The following SLC22A25 variants were observed in gnomAD, a reference collection of about 807,000 sequenced individuals.
SLC22A25 encodes the protein MGI:2442751, MGI:2385316, MGI:3042283, MGI:3645714, MGI:3605624, MGI:2442750.
SLC22A25 carries 44 observed loss-of-function variants against 45.9 expected under a neutral mutation model. The observed-to-expected ratio is 0.96, with a 90% CI of 0.75 to 1.23. The LOEUF is 1.23. Ranked by LOEUF, SLC22A25 falls within the 50% of genes most tolerant of loss-of-function variation. SLC22A25 has a pLI of 0.00. For synonymous variants in SLC22A25, 283 were observed against 238.6 expected, an observed-to-expected ratio of 1.19 and a Z score of -1.72; for missense variants, 800 against 666.4, an observed-to-expected ratio of 1.20 and a Z score of -2.21.
chr11:63,210,621 T>G (rs150721373), intron 7 of SLC22A25, among the ~76,000 whole-genome samples: 107 of 152,266 alleles, frequency 7.0e-4, no homozygotes, highest in African/African-American at 2.4e-3. Flanking sequence ...TTTTGAGGAC[T>G]GAGACAGACT....
chr11:63,228,403 G>C (rs7106186), intron 5 of SLC22A25, 58 bp downstream of exon 5: 1 of 1,312,888 alleles, frequency 7.6e-7, no homozygotes, highest in Non-Finnish European at 1.1e-6. Flanking sequence ...TAGATGAAAA[G>C]TGTTTCATGA....
intron 9 of SLC22A25, among the ~76,000 whole-genome samples, chr11:63,177,772 T>G (rs2088145661): frequency 7.3e-6 from 1 of 136,662 alleles, no homozygotes; most frequent in Non-Finnish European, 1.6e-5. Flanking sequence ...CCATTATATC[T>G]ATTTCTCTCT....
At chr11:63,209,889 C>T (rs1314411484) in intron 7 of SLC22A25, among the ~76,000 whole-genome samples, 1 of 152,134 alleles carries the variant, frequency 6.6e-6, no homozygotes, top group African/African-American at 2.4e-5. Flanking sequence ...AGGGGAAGCC[C>T]CAGAGGCCAC....
chr11:63,188,992 C>T (rs143076934), intron 7 of SLC22A25, among the ~76,000 whole-genome samples: 8,342 of 151,940 alleles, frequency 0.055, 258 homozygotes, highest in African/African-American at 0.084. Context: ...GGAATAAGTG[C>T]GGTGTGGTGC....
chr11:63,211,914 C>T (rs1406207334), intron 7 of SLC22A25, among the ~76,000 whole-genome samples: 4 of 152,104 alleles, frequency 2.6e-5, no homozygotes, highest in African/African-American at 9.7e-5. Flanking sequence ...TTGCAATCTA[C>T]TCATCTGACA....
chr11:63,228,478 A>T lies in SLC22A25; in HGVS notation c.489T>A (p.Tyr163Ter). The part of the protein sequence containing the change: ...MAGMMVGGNL[Y>*]GHLSDRFGRK... ...ACACTCACCTGTCTGACAAATGGCC[A>T]TATAGGTTGCCTCCCACCATCATTC... The change falls in exon 5 of 12, where the codon TAT becomes TAA. Residue 163 changes from tyrosine (Y) to a stop codon, truncating the protein, a stop_gained. Transcript: ENST00000306494. LOFTEE classifies it high-confidence loss of function. 1 of 1,613,428 alleles carries T rather than the reference A, an allele frequency of 6.2e-7. No individual in the cohort carries two copies. Among genetic ancestry groups the T allele is most frequent in the Non-Finnish European group, 8.5e-7 (1 of 1,179,456 alleles).
intron 8 of SLC22A25, among the ~76,000 whole-genome samples, chr11:63,182,783 G>A (rs2088376742): frequency 6.6e-6 from 1 of 152,020 alleles, no homozygotes; most frequent in African/African-American, 2.4e-5. Flanking sequence ...CATCAGATAT[G>A]TCATTGACCA....
chr11:63,236,200 G>T (rs1478181708), intron 3 of SLC22A25, among the ~76,000 whole-genome samples: 5 of 152,184 alleles, frequency 3.3e-5, no homozygotes, highest in Admixed American at 2.0e-4. Flanking sequence ...GTCTGCAGAG[G>T]TTACTGCTGT....
At chr11:63,175,659 A>G (rs759623060) in intron 9 of SLC22A25, among the ~76,000 whole-genome samples, 4 of 151,982 alleles carry the variant, frequency 2.6e-5, no homozygotes, top group Non-Finnish European at 5.9e-5. Flanking sequence ...CATCATATCC[A>G]TGAAATAATT....
At chr11:63,222,258 G>A (rs78168356) in intron 5 of SLC22A25, among the ~76,000 whole-genome samples, 417 of 152,122 alleles carry the variant, frequency 2.7e-3, no homozygotes, top group African/African-American at 9.7e-3. Flanking sequence ...TCCAATCCAC[G>A]GACATGAATA....
Position 63,163,651 on chromosome 11 carries a change from T to C in SLC22A25, c.*173A>G. On this transcript the variant is annotated 3_prime_UTR_variant, in exon 12 of 12. Transcript: ENST00000306494. The stretch of plus-strand genomic sequence containing the variant: ...CCACAAATTAACCTCCTGGACAGGC[T>C]GGGCAGAGATGGTCTGTGTGATCTA... 3.2e-6 allele frequency: 3 copies of C among 950,516 alleles called. No individual in the cohort carries two copies. The highest frequency in any genetic ancestry group is 3.0e-6 in the Non-Finnish European group (2 of 670,276). The allele number at this position is 950,516 out of a possible 1,614,324, so 58.9% of individuals were successfully genotyped here. A position where few individuals can be genotyped will look rare whatever the true frequency, so the allele number is the denominator to read the frequency against.
chr11:63,242,548 T>C (rs2090266735), intron 1 of SLC22A25, among the ~76,000 whole-genome samples: 1 of 152,162 alleles, frequency 6.6e-6, no homozygotes, highest in Non-Finnish European at 1.5e-5. Flanking sequence ...CTATACCCCA[T>C]CACTTCAGCC....
chr11:63,172,521 C>G (rs994547433), intron 9 of SLC22A25, among the ~76,000 whole-genome samples: 3 of 151,948 alleles, frequency 2.0e-5, no homozygotes, highest in Non-Finnish European at 4.4e-5. Context: ...ATGTGGCCAA[C>G]AAACATATGA....
chr11:63,240,969 C>T (rs965677042), intron 1 of SLC22A25, among the ~76,000 whole-genome samples: 1 of 152,188 alleles, frequency 6.6e-6, no homozygotes, highest in Admixed American at 6.5e-5. Context: ...CACAATGAGA[C>T]CATAAAAAAA....
intron 10 of SLC22A25, among the ~76,000 whole-genome samples, chr11:63,165,778 C>T (rs953004572): frequency 3.9e-5 from 6 of 152,318 alleles, no homozygotes; most frequent in African/African-American, 1.4e-4. Flanking sequence ...CCTAGAGAAA[C>T]TATCAGGAAT....
intron 8 of SLC22A25, among the ~76,000 whole-genome samples, chr11:63,182,647 T>C (rs890504119): frequency 4.6e-5 from 7 of 152,076 alleles, no homozygotes; most frequent in Non-Finnish European, 8.8e-5. Context: ...AATGGGTTCA[T>C]CTCTGTGGGA....
At chr11:63,215,346 AC>A (rs1162385201) in intron 7 of SLC22A25, among the ~76,000 whole-genome samples, 4 of 152,092 alleles carry the variant, frequency 2.6e-5, no homozygotes, top group Non-Finnish European at 5.9e-5. Flanking sequence ...AAAACCAAAC[AC>A]CACATATTCT....
chr11:63,205,799 T>A (rs1290876648), intron 7 of SLC22A25, among the ~76,000 whole-genome samples: 1 of 152,034 alleles, frequency 6.6e-6, no homozygotes, highest in African/African-American at 2.4e-5. Flanking sequence ...CCCAAACTCA[T>A]TTTATGAGGC....
chr11:63,169,273 C>T (rs2134711459), intron 9 of SLC22A25, among the ~76,000 whole-genome samples: 1 of 152,202 alleles, frequency 6.6e-6, no homozygotes, highest in East Asian at 1.9e-4. Context: ...AATGTGCAAA[C>T]TAAGCAGCTA....
Sources: gnomAD v4.1 joint callset for allele counts (sites outside exome capture counted in the v4.1 genomes callset) on GRCh38, gnomAD v4.1.1 for gene constraint, MANE v1.5 for transcripts, NCBI Gene and HGNC (gene_info 2026-07-23, HGNC 2026-07-21) for gene names.